ENOPH1: variants seen among roughly 807,000 people sequenced by gnomAD.
ENOPH1 encodes enolase-phosphatase E1.
ENOPH1 carries 14 observed loss-of-function variants against 31.1 expected under a neutral mutation model. The observed-to-expected ratio is 0.45, with a 90% CI of 0.30 to 0.70. ENOPH1 has a LOEUF of 0.70. Among genes scored for constraint, ENOPH1 ranks in the 30% least tolerant of loss-of-function variants. The probability of loss-of-function intolerance (pLI) is 0.09; values close to 1 mark genes in which losing one functional copy is unlikely to be tolerated. For synonymous variants in ENOPH1, 127 were observed against 123.2 expected (o/e 1.03, Z -0.21); for missense variants, 243 against 321.5 (o/e 0.76, Z 1.87).
At chr4:82,456,241 T>C (rs1722489564) in intron 4 of ENOPH1, among the ~76,000 whole-genome samples, 1 of 151,048 alleles carries the variant, frequency 6.6e-6, no homozygotes, top group Non-Finnish European at 1.5e-5. Context: ...TACCTTCCCA[T>C]TGGCCAAACC....
chr4:82,442,526 AC>A (rs1463296324), intron 1 of ENOPH1, among the ~76,000 whole-genome samples: 1 of 151,262 alleles, frequency 6.6e-6, no homozygotes, highest in East Asian at 1.9e-4. Context: ...TCTCAAAAAA[AC>A]AAACAAAAAA....
intron 5 of ENOPH1, 45 bp from the exon 6 acceptor site, chr4:82,459,935 AT>A: frequency 1.2e-6 from 2 of 1,603,884 alleles, no homozygotes; most frequent in Non-Finnish European, 8.5e-7. Flanking sequence ...CTCAGACATC[AT>A]TTTTTGGTGT....
intron 1 of ENOPH1, among the ~76,000 whole-genome samples, chr4:82,440,477 CTT>C (rs998443985): frequency 3.7e-4 from 57 of 152,312 alleles, no homozygotes; most frequent in African/African-American, 1.3e-3. Context: ...AGCGAAACCT[CTT>C]TGAACCTCAG....
At chr4:82,459,754 G>C (rs937652387) in intron 5 of ENOPH1, among the ~76,000 whole-genome samples, 7 of 152,094 alleles carry the variant, frequency 4.6e-5, no homozygotes, top group Non-Finnish European at 1.0e-4. Flanking sequence ...CTTCTGTCAA[G>C]TACAGTTACG....
chr4:82,457,528 A>G (rs1393271346), intron 5 of ENOPH1, among the ~76,000 whole-genome samples: 3 of 151,848 alleles, frequency 2.0e-5, no homozygotes, highest in Non-Finnish European at 4.4e-5. Flanking sequence ...GAATGAACCA[A>G]CTCTGGGGGT....
rs139914639 is a variant in ENOPH1 at position 82,441,350 on chromosome 4, T to C, written c.85-6570T>C. On this transcript the variant is annotated intron_variant, in intron 1 of 5. Transcript: ENST00000273920. ...TATAAAACCATCAGGTTGTCAGGTG[T>C]GGTGGCTCATGCCTGTAATCCCAGC... 3.1e-4 allele frequency among the ~76,000 whole-genome samples: 47 copies of C among 152,190 alleles called. No individual in the cohort carries two copies. The East Asian group carries it at 5.8e-3, about 19-fold the overall frequency.
chr4:82,455,518 C>T (rs775928731), intron 4 of ENOPH1, among the ~76,000 whole-genome samples: 5 of 152,036 alleles, frequency 3.3e-5, no homozygotes, highest in African/African-American at 1.2e-4. Context: ...CAGTGGCTCA[C>T]GCCTGTAATT....
chr4:82,450,883 GA>G (rs1332716660), intron 2 of ENOPH1, among the ~76,000 whole-genome samples, 159 bp from the exon 3 acceptor site: 3 of 152,152 alleles, frequency 2.0e-5, no homozygotes, highest in Non-Finnish European at 4.4e-5. Context: ...GTTCTTTTAG[GA>G]ATCATTTGTA....
chr4:82,443,243 C>T (rs574499298), intron 1 of ENOPH1, among the ~76,000 whole-genome samples: 1 of 151,594 alleles, frequency 6.6e-6, no homozygotes, highest in East Asian at 2.0e-4. Flanking sequence ...TTGAGACCAG[C>T]CTGGCTAACA....
In ENOPH1 at chr4:82,453,273, A is replaced by G. The variant is rs896692344; in HGVS notation, c.390-1449A>G. 8.5e-5 allele frequency among the ~76,000 whole-genome samples: 13 copies of G among 152,286 alleles called. No individual in the cohort carries two copies. The East Asian group carries it at 9.6e-4, about 11-fold the overall frequency. On this transcript the variant is annotated intron_variant, in intron 3 of 5. Coordinates refer to ENST00000273920, the MANE Select transcript of ENOPH1 (RefSeq NM_021204.5). ...GATCCAAGATTGTTTCCAGCTGCAT[A>G]TATTTCTTTTGTGTTTCTGTCAAAT...
chr4:82,452,015 G>C (rs113451340), intron 3 of ENOPH1, among the ~76,000 whole-genome samples: 18,909 of 151,956 alleles, frequency 0.12, 1,266 homozygotes, highest in Middle Eastern at 0.29. Flanking sequence ...TTCTGGGCTT[G>C]AGCGATCTGC....
chr4:82,445,228 C>CA (rs1722146119), intron 1 of ENOPH1, among the ~76,000 whole-genome samples: 1 of 148,650 alleles, frequency 6.7e-6, no homozygotes, highest in African/African-American at 2.5e-5. Context: ...GACTCTGTCT[C>CA]AAAAAAGAAA....
At chr4:82,450,906 G>C in intron 2 of ENOPH1, 137 bp from the exon 3 acceptor site, 1 of 643,812 alleles carries the variant, frequency 1.6e-6, no homozygotes, top group Non-Finnish European at 2.7e-6. Flanking sequence ...CAGCTCCAAA[G>C]TATATGATGT....
At chr4:82,443,495 G>A (rs1048116510) in intron 1 of ENOPH1, among the ~76,000 whole-genome samples, 4 of 151,790 alleles carry the variant, frequency 2.6e-5, no homozygotes, top group African/African-American at 7.3e-5. Flanking sequence ...TTGGGAGGCC[G>A]AGGCTGGCAG....
Position 82,460,215 on chromosome 4 carries a change from A to G in ENOPH1, c.*95A>G. On this transcript the variant is annotated 3_prime_UTR_variant, in exon 6 of 6. Transcript: ENST00000273920. The stretch of plus-strand genomic sequence containing the variant: ...GGTAAAAGTAACTTACTTAAAAAAC[A>G]TATGTACACATATGTATGCAAGTAT... 8.2e-7 allele frequency: 1 copy of G among 1,213,974 alleles called. No individual in the cohort carries two copies. The highest frequency in any genetic ancestry group is 1.4e-5 in the South Asian group (1 of 72,868). The allele number at this position is 1,213,974 out of a possible 1,614,324, so 75.2% of individuals were successfully genotyped here.
chr4:82,430,774 C>A lies in ENOPH1; in HGVS notation c.-56C>A. The A allele has an allele frequency of 6.5e-7, 1 of 1,543,744 alleles. No homozygotes were observed. Among genetic ancestry groups the A allele is most frequent in the Non-Finnish European group, 8.9e-7 (1 of 1,118,318 alleles). On this transcript the variant is annotated 5_prime_UTR_variant, in exon 1 of 6. Transcript: ENST00000273920. ...TACCGGGGGCCGCAGCCGCAGCCGG[C>A]GCCGCCCTCCGCCCTCCCCAACAGC... is the stretch of plus-strand genomic sequence containing the variant.
chr4:82,438,822 T>C (rs1721971166), intron 1 of ENOPH1, among the ~76,000 whole-genome samples: 1 of 152,202 alleles, frequency 6.6e-6, no homozygotes, highest in African/African-American at 2.4e-5. Flanking sequence ...TGATGGGTCT[T>C]AAAATTTTCT....
At chr4:82,437,099 AAAAG>A (rs1560462767) in intron 1 of ENOPH1, among the ~76,000 whole-genome samples, 1 of 151,938 alleles carries the variant, frequency 6.6e-6, no homozygotes, top group Non-Finnish European at 1.5e-5. Context: ...AAATTATAAA[AAAAG>A]AAAGCACCTC....
chr4:82,448,569 A>T (rs1388008844), intron 2 of ENOPH1, among the ~76,000 whole-genome samples: 2 of 150,006 alleles, frequency 1.3e-5, no homozygotes, highest in East Asian at 4.1e-4. Context: ...AGCCCACCCA[A>T]AAAGGGCTTA....
Sources: gnomAD v4.1 joint callset for allele counts (sites outside exome capture counted in the v4.1 genomes callset) on GRCh38, gnomAD v4.1.1 for gene constraint, MANE v1.5 for transcripts, NCBI Gene and HGNC (gene_info 2026-07-23, HGNC 2026-07-21) for gene names.